Variants in CALB2 observed in about 807,000 individuals in gnomAD.
CALB2 encodes calbindin 2.
In CALB2, 34 loss-of-function variants were observed where a neutral mutation model predicts 45.9. The ratio of observed to expected loss-of-function variants is 0.74; its 90% CI spans 0.56 to 0.99. The LOEUF (loss-of-function observed/expected upper bound fraction) is 0.99. Ranked by LOEUF, CALB2 falls within the 50% of genes least tolerant of loss-of-function variation. The probability of loss-of-function intolerance (pLI) is 0.00; values close to 1 mark genes in which losing one functional copy is unlikely to be tolerated. For missense variants in CALB2, 344 were observed against 339.3 expected, an observed-to-expected ratio of 1.01 and a Z score of -0.11; for synonymous variants, 142 against 129.6, an observed-to-expected ratio of 1.10 and a Z score of -0.65.
chr16:71,384,727 C>T, intron 8 of CALB2, 56 bp from the exon 9 acceptor site: 15 of 811,590 alleles, frequency 1.8e-5, no homozygotes, highest in Non-Finnish European at 2.3e-5. Context: ...CAAACGCACA[C>T]CCACACACAC....
chr16:71,360,991 T>G (rs544132108), intron 1 of CALB2, among the ~76,000 whole-genome samples: 31 of 152,232 alleles, frequency 2.0e-4, no homozygotes, highest in African/African-American at 7.0e-4. Context: ...AGCCCACCCT[T>G]GGGGTTGATG....
chr16:71,371,823 G>A (rs2042354811), intron 1 of CALB2, among the ~76,000 whole-genome samples: 1 of 152,168 alleles, frequency 6.6e-6, no homozygotes. Flanking sequence ...CCCGCCACTT[G>A]CTGATGACCT....
Position 71,374,729 on chromosome 16 carries a change from C to CCCCCTTTTTTT in CALB2, c.172-16_172-15insCCCCTTTTTTT. 6.3e-7 allele frequency: 1 copy of CCCCCTTTTTTT among 1,582,536 alleles called. No individual in the cohort carries two copies. Among genetic ancestry groups the CCCCCTTTTTTT allele is most frequent in the South Asian group, 1.1e-5 (1 of 90,118 alleles). Reference sequence around the variant, plus strand: ...AGATACAGCAGCAAAAATCAGCCCCCTTTGTCTTTCCACAGATGTCAAAGA... The same window carrying CCCCCTTTTTTT: ...AGATACAGCAGCAAAAATCAGCCCCCCCCCTTTTTTTTTTGTCTTTCCACAGATGTCAAAGA... On this transcript the variant is annotated splice_polypyrimidine_tract_variant and intron_variant, in intron 2 of 10. Transcript: ENST00000302628.
intron 10 of CALB2, chr16:71,389,406 T>C (rs1428708266): frequency 4.3e-6 from 2 of 463,264 alleles, no homozygotes; most frequent in Non-Finnish European, 8.7e-6. Flanking sequence ...TACCTTTTAT[T>C]TTTCAAGTGC....
At chr16:71,371,674 AC>A (rs1484837728) in intron 1 of CALB2, among the ~76,000 whole-genome samples, 2 of 151,966 alleles carry the variant, frequency 1.3e-5, no homozygotes, top group African/African-American at 2.4e-5. Context: ...TTTAGGGCCC[AC>A]CCCAATCCAG....
intron 4 of CALB2, 95 bp downstream of exon 4, chr16:71,377,842 T>C: frequency 1.2e-6 from 1 of 842,176 alleles, no homozygotes. Context: ...TAATGGTCCC[T>C]GGGAGATGCT....
intron 1 of CALB2, among the ~76,000 whole-genome samples, chr16:71,366,637 C>T (rs1025050769): frequency 7.2e-5 from 11 of 152,066 alleles, no homozygotes. Flanking sequence ...GGCTTGAGAA[C>T]CAGTATTCTA....
intron 3 of CALB2, 99 bp from the exon 4 acceptor site, chr16:71,377,568 C>A (rs1337046929): frequency 2.8e-5 from 21 of 757,652 alleles, no homozygotes; most frequent in Non-Finnish European, 4.5e-5. Flanking sequence ...TCCCACACTG[C>A]CTCGCCACTG....
chr16:71,359,659 CA>C (rs1403303923), intron 1 of CALB2, among the ~76,000 whole-genome samples: 3 of 152,258 alleles, frequency 2.0e-5, no homozygotes, highest in African/African-American at 7.2e-5. Flanking sequence ...AGGGCCAGAC[CA>C]AATGACCTTT....
intron 1 of CALB2, among the ~76,000 whole-genome samples, chr16:71,370,158 C>A (rs2042331404): frequency 6.6e-6 from 1 of 152,186 alleles, no homozygotes; most frequent in Non-Finnish European, 1.5e-5. Flanking sequence ...TGATTCGTGC[C>A]ATACAATATT....
At chr16:71,367,103 T>C (rs190375733) in intron 1 of CALB2, among the ~76,000 whole-genome samples, 1 of 152,058 alleles carries the variant, frequency 6.6e-6, no homozygotes, top group African/African-American at 2.4e-5. Context: ...CGTGGTCAGA[T>C]GAAAGGTAAA....
chr16:71,388,486 A>G (rs1001395140), intron 10 of CALB2, among the ~76,000 whole-genome samples: 3 of 152,190 alleles, frequency 2.0e-5, no homozygotes, highest in Admixed American at 6.5e-5. Context: ...GGTTATTTGT[A>G]TCCGAAGCAA....
intron 3 of CALB2, among the ~76,000 whole-genome samples, chr16:71,376,059 T>C (rs140908212): frequency 5.9e-5 from 9 of 152,290 alleles, no homozygotes; most frequent in African/African-American, 1.9e-4. Flanking sequence ...ATGGCCACTA[T>C]AGATGCCCAT....
intron 4 of CALB2, among the ~76,000 whole-genome samples, chr16:71,379,822 C>A (rs1007790172): frequency 3.3e-5 from 5 of 152,188 alleles, no homozygotes; most frequent in African/African-American, 1.2e-4. Context: ...CAGGGTGGAA[C>A]AGTCATTTTT....
Position 71,384,355 on chromosome 16 carries a change from G to A in CALB2, c.550G>A (p.Glu184Lys), listed in dbSNP as rs371421393. ...SEMSRLLPVQ[E>K]NFLLKFQGMK... ...TCTCCCCAGACTCCTGCCTGTCCAG[G>A]AAAACTTCCTGCTTAAATTTCAGGT... The change falls in exon 8 of 11, where the codon GAA (glutamate) becomes AAA (lysine). Residue 184 changes from glutamate (E) to lysine (K), a missense_variant. Physicochemically the swap from Glu to Lys is moderately conservative, Grantham distance 56. Around this residue, in one of 3 missense-constraint regions of CALB2, gnomAD observed 263 missense variants for 241.7 expected, o/e 1.09. Coordinates refer to ENST00000302628, the MANE Select transcript of CALB2 (RefSeq NM_001740.5). 4.8e-5 allele frequency: 77 copies of A among 1,612,806 alleles called. No homozygotes were observed. Among genetic ancestry groups the A allele is most frequent in the Non-Finnish European group, 6.4e-5 (75 of 1,179,654 alleles).
chr16:71,384,526 ACAG>A (rs1188872933), intron 8 of CALB2, 148 bp downstream of exon 8: 17 of 687,736 alleles, frequency 2.5e-5, no homozygotes, highest in Admixed American at 1.0e-4. Flanking sequence ...CACAACACAC[ACAG>A]ATCACACACA....
At chr16:71,369,515 T>C (rs1464952134) in intron 1 of CALB2, among the ~76,000 whole-genome samples, 3 of 152,150 alleles carry the variant, frequency 2.0e-5, no homozygotes, top group Non-Finnish European at 4.4e-5. Context: ...AGGCGGCTCT[T>C]GGAAACATAC....
At chr16:71,365,317 C>G (rs549680145) in intron 1 of CALB2, among the ~76,000 whole-genome samples, 32 of 152,200 alleles carry the variant, frequency 2.1e-4, no homozygotes, top group Non-Finnish European at 4.3e-4. Context: ...CCTCTCTAAT[C>G]TATGGACTGC....
At chr16:71,379,347 T>G (rs575731517) in intron 4 of CALB2, among the ~76,000 whole-genome samples, 9 of 152,222 alleles carry the variant, frequency 5.9e-5, no homozygotes, top group African/African-American at 2.2e-4. Context: ...CAATATAATT[T>G]CCTTGAGATC....
Sources: allele counts gnomAD v4.1 joint callset (sites outside exome capture counted in the v4.1 genomes callset), GRCh38; gene constraint gnomAD v4.1.1; regional missense constraint gnomAD v4.1.1; transcripts MANE v1.5; gene names NCBI Gene and HGNC (gene_info 2026-07-23, HGNC 2026-07-21).